Variants in DEK observed in about 807,000 individuals in gnomAD.
DEK encodes the protein protein DEK.
A neutral mutation model predicts 46.8 loss-of-function variants in DEK; 28 were observed. The observed-to-expected ratio is 0.60, with a 90% CI of 0.44 to 0.82. The LOEUF (loss-of-function observed/expected upper bound fraction) is 0.82. Among genes scored for constraint, DEK ranks in the 40% least tolerant of loss-of-function variants. DEK has a pLI of 0.00. For missense variants in DEK, 416 were observed against 430.6 expected (o/e 0.97, Z 0.30); for synonymous variants, 160 against 144.5 (o/e 1.11, Z -0.77).
At position 18,263,921 on chromosome 6, in the gene DEK, G is replaced by A. The variant is rs1791989281; in HGVS notation, c.67C>T (p.Pro23Ser). 4 of 1,612,018 alleles carry A rather than the reference G, an allele frequency of 2.5e-6. No homozygotes were observed. The East Asian group carries it at 9.0e-5, about 36-fold the overall frequency. ...TPTQPASEKE[P>S]EMPGPREESE... ...TCCTCTCTGGGACCGGGCATTTCGG[G>A]TTCTTTCTCGGACGCGGGCTGGGTG... Residue 23 changes from proline (P) to serine (S), a missense_variant, in exon 2 of 11, where the codon CCC (proline) becomes TCC (serine). Coordinates refer to ENST00000652689, the MANE Select transcript of DEK (RefSeq NM_003472.4).
intron 6 of DEK, among the ~76,000 whole-genome samples, chr6:18,251,395 C>A (rs894352196): frequency 1.1e-4 from 16 of 152,204 alleles, no homozygotes; most frequent in African/African-American, 3.9e-4. Flanking sequence ...GTCACCTACA[C>A]AAAAATTAAG....
chr6:18,244,093 G>A (rs1009630152), intron 7 of DEK, among the ~76,000 whole-genome samples: 1 of 152,146 alleles, frequency 6.6e-6, no homozygotes, highest in Non-Finnish European at 1.5e-5. Flanking sequence ...ACTCACAATG[G>A]TTAACATCTT....
chr6:18,259,208 C>A (rs560196421), intron 2 of DEK, among the ~76,000 whole-genome samples: 54 of 150,564 alleles, frequency 3.6e-4, no homozygotes, highest in African/African-American at 1.2e-3. Flanking sequence ...TCCTGGCTAA[C>A]GTGGTGAAAC....
At chr6:18,240,987 T>C (rs367884320) in intron 7 of DEK, among the ~76,000 whole-genome samples, 20 of 152,242 alleles carry the variant, frequency 1.3e-4, no homozygotes, top group East Asian at 7.7e-4. Context: ...GAATTTCATT[T>C]ATCTTTAGCA....
At chr6:18,242,208 A>G (rs1182817027) in intron 7 of DEK, among the ~76,000 whole-genome samples, 2 of 152,150 alleles carry the variant, frequency 1.3e-5, no homozygotes, top group African/African-American at 4.8e-5. Flanking sequence ...CCGTCTCTAC[A>G]AAAAATTAGT....
chr6:18,233,888 C>T (rs1327772973), intron 9 of DEK, among the ~76,000 whole-genome samples: 1 of 152,194 alleles, frequency 6.6e-6, no homozygotes, highest in Non-Finnish European at 1.5e-5. Context: ...TATAAAGACA[C>T]ATGCACATGT....
chr6:18,236,374 T>G, intron 9 of DEK, 78 bp downstream of exon 9: 1 of 1,482,802 alleles, frequency 6.7e-7, no homozygotes, highest in East Asian at 2.4e-5. Context: ...TGCACGTAAG[T>G]ATTTAGCTTC....
chr6:18,241,925 AG>A (rs1790906086), intron 7 of DEK, among the ~76,000 whole-genome samples: 1 of 152,234 alleles, frequency 6.6e-6, no homozygotes, highest in Non-Finnish European at 1.5e-5. Context: ...AGCAATCAAC[AG>A]GACAATTCCT....
Position 18,240,075 on chromosome 6 carries a change from C to T in DEK, c.763-2559G>A, listed in dbSNP as rs562536539. On this transcript the variant is annotated intron_variant, in intron 7 of 10. Coordinates refer to ENST00000652689, the MANE Select transcript of DEK (RefSeq NM_003472.4). Reference sequence around the variant, plus strand: ...TCAGAATTAGATAACTAAAATACTTCCAAAGCCTTTTAAGGCTTGCCATTA... The same window carrying T: ...TCAGAATTAGATAACTAAAATACTTTCAAAGCCTTTTAAGGCTTGCCATTA... Among the ~76,000 whole-genome samples the T allele has an allele frequency of 2.0e-5, 3 of 152,280 alleles. No individual in the cohort carries two copies. In the East Asian group the frequency reaches 5.8e-4, roughly 29 times the overall value.
Position 18,257,985 on chromosome 6 carries a change from G to T in DEK, c.325C>A (p.Leu109Ile). The T allele has an allele frequency of 6.2e-7, 1 of 1,611,418 alleles. No homozygotes were observed. The highest frequency in any genetic ancestry group is 1.3e-5 in the African/African-American group (1 of 74,896). The stretch of plus-strand genomic sequence containing the variant: ...GGCCTGTTGTAAAGCAGTTTGTGTA[G>T]ATTTCTAAGTTCATCGGTTTTCTTC... ...SKKKTDELRN[L>I]HKLLYNRPGT... Residue 109 changes from leucine to isoleucine, a missense_variant, in exon 4 of 11, where the codon CTA becomes ATA. Leu to Ile is a conservative substitution (Grantham distance 5, BLOSUM62 2). Coordinates refer to ENST00000652689, the MANE Select transcript of DEK (RefSeq NM_003472.4).
chr6:18,241,120 C>G (rs1161848319), intron 7 of DEK, among the ~76,000 whole-genome samples: 1 of 152,146 alleles, frequency 6.6e-6, no homozygotes, highest in African/African-American at 2.4e-5. Flanking sequence ...GAATTTGTAT[C>G]TTGTGCTTTA....
intron 6 of DEK, among the ~76,000 whole-genome samples, chr6:18,253,071 A>C (rs1791457358): frequency 6.6e-6 from 1 of 151,482 alleles, no homozygotes; most frequent in African/African-American, 2.4e-5. Flanking sequence ...TGAGCTAAAC[A>C]CGCTCCAAGC....
At chr6:18,231,830 T>C (rs372029516) in intron 9 of DEK, among the ~76,000 whole-genome samples, 3 of 152,272 alleles carry the variant, frequency 2.0e-5, no homozygotes, top group African/African-American at 4.8e-5. Flanking sequence ...TTCCAATGAA[T>C]AGAAAAAGAG....
Position 18,249,611 on chromosome 6 carries a change from A to G in DEK, c.762+40T>C, listed in dbSNP as rs377602386. 25 of 1,480,670 alleles carry G rather than the reference A, an allele frequency of 1.7e-5. No individual in the cohort carries two copies. The African/African-American group carries it at 3.3e-4, about 20-fold the overall frequency. The allele number at this position is 1,480,670 out of a possible 1,614,324, so 91.7% of individuals were successfully genotyped here. A position where few individuals can be genotyped will look rare whatever the true frequency, so the allele number is the denominator to read the frequency against. ...ATAGCAGAAATATTTAACTCTCCCC[A>G]TGGAAAGAAATGATTTAAAAATATA... On this transcript the variant is annotated intron_variant, in intron 7 of 10. Transcript: ENST00000652689.
chr6:18,231,998 T>A (rs931371706), intron 9 of DEK, among the ~76,000 whole-genome samples: 2 of 151,848 alleles, frequency 1.3e-5, no homozygotes, highest in Non-Finnish European at 2.9e-5. Flanking sequence ...CAGCAGCAAA[T>A]CAAAAACCTT....
At chr6:18,262,154 C>T (rs1225834880) in intron 2 of DEK, among the ~76,000 whole-genome samples, 1 of 152,112 alleles carries the variant, frequency 6.6e-6, no homozygotes. Context: ...TTGTCTTCTG[C>T]CATGATTGGA....
chr6:18,237,339 C>A, intron 8 of DEK, 42 bp downstream of exon 8: 1 of 1,566,486 alleles, frequency 6.4e-7, no homozygotes, highest in Non-Finnish European at 8.6e-7. Context: ...TTAATATATG[C>A]TATATCTTTA....
intron 3 of DEK, 68 bp from the exon 4 acceptor site, chr6:18,258,130 T>C (rs1791682445): frequency 8.1e-7 from 1 of 1,230,266 alleles, no homozygotes; most frequent in African/African-American, 1.5e-5. Context: ...GTTAATTTAA[T>C]GAGAATTATT....
intron 7 of DEK, among the ~76,000 whole-genome samples, chr6:18,239,445 C>T (rs886737234): frequency 4.1e-5 from 6 of 147,194 alleles, no homozygotes; most frequent in African/African-American, 1.5e-4. Flanking sequence ...GTTGGGACTA[C>T]AGGCACACAC....
Sources: gnomAD v4.1 joint callset for allele counts (sites outside exome capture counted in the v4.1 genomes callset) on GRCh38, gnomAD v4.1.1 for gene constraint, MANE v1.5 for transcripts, NCBI Gene and HGNC (gene_info 2026-07-23, HGNC 2026-07-21) for gene names.